The following DGKG variants were observed in gnomAD, a reference collection of about 807,000 sequenced individuals.
The protein encoded by DGKG is diacylglycerol kinase gamma.
DGKG carries 78 observed loss-of-function variants against 105.3 expected under a neutral mutation model. The ratio of observed to expected loss-of-function variants is 0.74; its 90% confidence interval spans 0.62 to 0.89. The LOEUF is 0.89. Among genes scored for constraint, DGKG ranks in the 40% least tolerant of loss-of-function variants. The pLI is 0.00. For synonymous variants in DGKG, 346 were observed against 367.1 expected (o/e 0.94, Z 0.66); for missense variants, 958 against 1,020.1 (o/e 0.94, Z 0.83).
intron 1 of DGKG, among the ~76,000 whole-genome samples, chr3:186,342,241 C>G (rs1726125162): frequency 6.6e-6 from 1 of 152,150 alleles, no homozygotes; most frequent in South Asian, 2.1e-4. Context: ...TACGGAAATT[C>G]ACGACCCTAA....
In DGKG at chr3:186,148,866, G is replaced by A. The variant is rs1682939340; in HGVS notation, c.*1224C>T. 1 of 984,580 alleles carries A rather than the reference G, an allele frequency of 1.0e-6. No individual in the cohort carries two copies. Among genetic ancestry groups the A allele is most frequent in the Non-Finnish European group, 1.2e-6 (1 of 829,566 alleles). 61.0% of individuals were successfully genotyped at this position (984,580 alleles called of 1,614,324 possible). On this transcript the variant is annotated 3_prime_UTR_variant, in exon 25 of 25. Transcript: ENST00000265022. ...CTGACAATGAAACGGTGGAGTGGGGGAGTGAGAACCTTCTTTTTCCTTACC... is the reference window on the plus strand; with the variant it reads ...CTGACAATGAAACGGTGGAGTGGGGAAGTGAGAACCTTCTTTTTCCTTACC...
Position 186,203,347 on chromosome 3 carries a change from G to A in DGKG, c.1917+8448C>T, listed in dbSNP as rs1718567587. On this transcript the variant is annotated intron_variant, in intron 21 of 24. Transcript: ENST00000265022. The surrounding 1 kb of genome is among the most constrained non-coding windows in gnomAD (Gnocchi z 4.9). ...GCTAACATTACCCTAAGATTGAAAC[G>A]AGGCCAATGTTGTAGCAGTGCTGAT... Among the ~76,000 whole-genome samples, 3 of 152,188 alleles carry A rather than the reference G, an allele frequency of 2.0e-5. No homozygotes were observed. Among genetic ancestry groups the A allele is most frequent in the Non-Finnish European group, 1.5e-5 (1 of 68,042 alleles).
At chr3:186,228,203 C>T (rs777471193) in intron 20 of DGKG, among the ~76,000 whole-genome samples, 1 of 152,136 alleles carries the variant, frequency 6.6e-6, no homozygotes, top group East Asian at 1.9e-4. Flanking sequence ...AAAGCTCTGT[C>T]GTTGGTTTCC....
intron 24 of DGKG, chr3:186,158,256 A>G (rs1560074859): frequency 4.1e-6 from 3 of 737,682 alleles, no homozygotes; most frequent in Non-Finnish European, 5.0e-6. Flanking sequence ...AGTATTATTC[A>G]TTACATTTTA....
At chr3:186,330,740 C>T (rs1018254650) in intron 1 of DGKG, among the ~76,000 whole-genome samples, 7 of 152,230 alleles carry the variant, frequency 4.6e-5, no homozygotes, top group Non-Finnish European at 1.0e-4. Flanking sequence ...TCATCTAAGT[C>T]ATCCTAGCTG....
intron 19 of DGKG, among the ~76,000 whole-genome samples, chr3:186,245,102 G>C (rs191004599): frequency 2.0e-5 from 3 of 152,160 alleles, no homozygotes; most frequent in Non-Finnish European, 4.4e-5. Context: ...CCCCAATACT[G>C]CTGATTGACT....
intron 1 of DGKG, among the ~76,000 whole-genome samples, chr3:186,343,191 G>A (rs957359121): frequency 2.0e-4 from 31 of 152,188 alleles, no homozygotes; most frequent in African/African-American, 4.6e-4. Flanking sequence ...AACCTCCATG[G>A]AGGCTACTGA....
chr3:186,302,113 C>T (rs1723949501), intron 3 of DGKG, among the ~76,000 whole-genome samples: 1 of 152,122 alleles, frequency 6.6e-6, no homozygotes, highest in Admixed American at 6.5e-5. Context: ...CCCTACTTGG[C>T]ACCTTGGTTC....
At chr3:186,347,334 G>A (rs1726390527) in intron 1 of DGKG, among the ~76,000 whole-genome samples, 1 of 150,818 alleles carries the variant, frequency 6.6e-6, no homozygotes, top group Non-Finnish European at 1.5e-5. Flanking sequence ...TGCAGTCCTA[G>A]CTACTTGGGA....
At chr3:186,272,189 T>A (rs1020786907) in intron 11 of DGKG, 66 bp downstream of exon 11, 1 of 1,277,852 alleles carries the variant, frequency 7.8e-7, no homozygotes, top group African/African-American at 1.5e-5. Flanking sequence ...TGCCCAGGAA[T>A]CCATGTTGAT....
intron 2 of DGKG, among the ~76,000 whole-genome samples, chr3:186,319,156 TG>T (rs1724959578): frequency 6.6e-6 from 1 of 152,160 alleles, no homozygotes; most frequent in South Asian, 2.1e-4. Flanking sequence ...TCTAAACCCA[TG>T]GGGGTCAGAT....
rs762508343 is a variant in DGKG at position 186,251,836 on chromosome 3, C to T, written c.1684G>A (p.Val562Ile). ...TTTTCCACTTCCTCTCTGGGGATGACTTCCAGATGCCAGCGGTCCAGCATC... is the reference window on the plus strand; with the variant it reads ...TTTTCCACTTCCTCTCTGGGGATGATTTCCAGATGCCAGCGGTCCAGCATC... The part of the protein sequence containing the change: ...LVMLDRWHLE[V>I]IPREEVENGD... The change falls in exon 19 of 25, where the codon GTC becomes ATC. Residue 562 changes from valine (V) to isoleucine (I), a missense_variant. Physicochemically the swap from Val to Ile is conservative, Grantham distance 29. This residue lies in a region of DGKG where 315 missense variants were observed against 400.6 expected (regional missense o/e 0.79). Transcript: ENST00000265022. 2 of 1,613,668 alleles carry T rather than the reference C, an allele frequency of 1.2e-6. No individual in the cohort carries two copies. Among genetic ancestry groups the T allele is most frequent in the Non-Finnish European group, 1.7e-6 (2 of 1,179,748 alleles).
At chr3:186,286,547 A>G (rs1723078694) in intron 6 of DGKG, among the ~76,000 whole-genome samples, 2 of 152,352 alleles carry the variant, frequency 1.3e-5, no homozygotes, top group South Asian at 2.1e-4. Flanking sequence ...GTGTTTATCA[A>G]TGATAGTTGT....
intron 20 of DGKG, among the ~76,000 whole-genome samples, chr3:186,214,532 A>T (rs1023107218): frequency 3.3e-5 from 5 of 152,204 alleles, no homozygotes; most frequent in African/African-American, 1.2e-4. Context: ...CTGGGCAAGA[A>T]AAAATGTGAT....
chr3:186,279,568 G>C (rs1346693700), intron 9 of DGKG: 6 of 217,366 alleles, frequency 2.8e-5, no homozygotes, highest in Non-Finnish European at 4.5e-5. Context: ...CCCTTTGCCT[G>C]GTTGAGTATA....
chr3:186,281,405 G>C (rs1031886657), intron 7 of DGKG: 1 of 152,272 alleles, frequency 6.6e-6, no homozygotes, highest in Non-Finnish European at 1.5e-5. Context: ...GGCTGCCAAT[G>C]AGTCAGTGTT....
chr3:186,303,066 T>C (rs1456354650), intron 3 of DGKG, among the ~76,000 whole-genome samples: 1 of 152,152 alleles, frequency 6.6e-6, no homozygotes, highest in African/African-American at 2.4e-5. Flanking sequence ...CTCCTGCTAC[T>C]ATATCTGTCA....
intron 19 of DGKG, among the ~76,000 whole-genome samples, chr3:186,248,112 T>C (rs140104399): frequency 6.6e-6 from 1 of 152,238 alleles, no homozygotes. Flanking sequence ...GGCTATTTAG[T>C]TGAGGGAAGG....
chr3:186,161,036 C>T (rs887227205), intron 24 of DGKG: 1 of 986,272 alleles, frequency 1.0e-6, no homozygotes, highest in Non-Finnish European at 1.2e-6. Flanking sequence ...AAATAGATAA[C>T]CTGCGTGGTG....
Sources: gnomAD v4.1 joint callset for allele counts (sites outside exome capture counted in the v4.1 genomes callset) on GRCh38, gnomAD v4.1.1 for gene constraint, gnomAD v4.1.1 regional missense constraint, Gnocchi (gnomAD v3.1) non-coding constraint, MANE v1.5 for transcripts, NCBI Gene and HGNC (gene_info 2026-07-23, HGNC 2026-07-21) for gene names.